LRCH2: variants seen among roughly 807,000 people sequenced by gnomAD.
The protein encoded by LRCH2 is leucine rich repeats and calponin homology domain containing 2, also known as leucine-rich repeat and calponin homology domain-containing protein 2.
Under a neutral mutation model 68.9 loss-of-function variants are expected in LRCH2, and 38 were observed. The observed-to-expected ratio is 0.55, with a 90% CI of 0.43 to 0.72. The LOEUF is 0.72. Ranked by LOEUF, LRCH2 falls within the 30% of genes least tolerant of loss-of-function variation. LRCH2 has a pLI of 0.00. For synonymous variants in LRCH2, 191 were observed against 208.1 expected (o/e 0.92, Z 0.71); for missense variants, 528 against 572.9 (o/e 0.92, Z 0.80).
chrX:115,191,122 G>T, intron 1 of LRCH2: 1 of 1,166,761 alleles, frequency 8.6e-7, no homozygotes, highest in Non-Finnish European at 1.1e-6. Context: ...CCGCTCGCAT[G>T]ACGCCCACAG....
intron 1 of LRCH2, among the ~76,000 whole-genome samples, chrX:115,218,002 T>C (rs1426200185): frequency 8.9e-6 from 1 of 112,018 alleles, no homozygotes. Flanking sequence ...TTTTTTCTTA[T>C]GTTTGTTGGC....
chrX:115,220,117 C>A (rs1405436468), intron 1 of LRCH2, among the ~76,000 whole-genome samples: 6 of 111,943 alleles, frequency 5.4e-5, no homozygotes, highest in Non-Finnish European at 1.1e-4. Flanking sequence ...ATTATCTGTC[C>A]TAAAGAAGTT....
intron 1 of LRCH2, among the ~76,000 whole-genome samples, chrX:115,205,219 T>A (rs369753349): frequency 6.4e-4 from 71 of 111,671 alleles, no homozygotes; most frequent in Middle Eastern, 4.6e-3. Context: ...TCCAATCACC[T>A]CCTACCAGGT....
At chrX:115,127,832 T>G (rs2072211746) in intron 15 of LRCH2, among the ~76,000 whole-genome samples, 1 of 111,556 alleles carries the variant, frequency 9.0e-6, no homozygotes, top group South Asian at 3.8e-4. Flanking sequence ...TTTGTCTTGT[T>G]GGAGGGTAAG....
At chrX:115,185,878 T>C (rs1556554223) in intron 2 of LRCH2, among the ~76,000 whole-genome samples, 2 of 111,396 alleles carry the variant, frequency 1.8e-5, no homozygotes, top group African/African-American at 6.5e-5. Flanking sequence ...CAAGGATCTT[T>C]CTACAGGATT....
intron 1 of LRCH2, among the ~76,000 whole-genome samples, chrX:115,220,281 C>T (rs1347990110): frequency 9.0e-6 from 1 of 111,710 alleles, no homozygotes; most frequent in Non-Finnish European, 1.9e-5. Context: ...GGAATGGTGG[C>T]ATAAGGAAAA....
At chrX:115,120,109 G>C (rs1201591354) in intron 20 of LRCH2, among the ~76,000 whole-genome samples, 1 of 101,818 alleles carries the variant, frequency 9.8e-6, no homozygotes, top group East Asian at 3.2e-4. Flanking sequence ...CATAGGCATG[G>C]GCAAGGACTT....
chrX:115,119,108 C>A (rs781865051), intron 20 of LRCH2, among the ~76,000 whole-genome samples: 1 of 110,721 alleles, frequency 9.0e-6, no homozygotes, highest in Non-Finnish European at 1.9e-5. Context: ...AAAACTGGCA[C>A]AAGACAGGGA....
At chrX:115,160,003 A>G (rs2072505578) in intron 11 of LRCH2, among the ~76,000 whole-genome samples, 1 of 111,083 alleles carries the variant, frequency 9.0e-6, no homozygotes, top group Non-Finnish European at 1.9e-5. Flanking sequence ...AGTTTCTTAA[A>G]GAATCAAAGA....
intron 6 of LRCH2, 102 bp from the exon 7 acceptor site, chrX:115,166,444 T>C: frequency 2.0e-6 from 1 of 505,754 alleles, no homozygotes; most frequent in Non-Finnish European, 3.3e-6. Context: ...TATATACTTT[T>C]GATGTCTAAG....
chrX:115,147,737 C>G (rs1347020730), intron 14 of LRCH2, among the ~76,000 whole-genome samples: 1 of 110,989 alleles, frequency 9.0e-6, no homozygotes, highest in Non-Finnish European at 1.9e-5. Flanking sequence ...CTTGAGAAGT[C>G]CACTCAAGTT....
intron 1 of LRCH2, among the ~76,000 whole-genome samples, chrX:115,222,101 T>C (rs1286314638): frequency 9.0e-6 from 1 of 111,361 alleles, no homozygotes; most frequent in African/African-American, 3.3e-5. Flanking sequence ...TCATCTTATA[T>C]TCAAAAACCA....
chrX:115,179,809 A>G lies in LRCH2; in HGVS notation c.622-58T>C, dbSNP rs2072678217. On this transcript the variant is annotated intron_variant, in intron 3 of 20. Transcript: ENST00000317135. ...GCTAACTGAGAAATACATATATTAT[A>G]TATATATATTCTAATTTTTAAATTA... The G allele has an allele frequency of 5.1e-5, 24 of 466,100 alleles. No homozygotes were observed. The South Asian group carries it at 1.6e-3, about 32-fold the overall frequency. 38.4% of individuals were successfully genotyped at this position (466,100 alleles called of 1,213,427 possible).
At chrX:115,187,756 C>T (rs1415775265) in intron 2 of LRCH2, among the ~76,000 whole-genome samples, 1 of 112,781 alleles carries the variant, frequency 8.9e-6, no homozygotes, top group Non-Finnish European at 1.9e-5. Flanking sequence ...CCCACTCTAA[C>T]CATCCTTGAA....
intron 14 of LRCH2, among the ~76,000 whole-genome samples, chrX:115,145,941 A>G (rs1435018803): frequency 8.9e-6 from 1 of 112,372 alleles, no homozygotes; most frequent in Non-Finnish European, 1.9e-5. Context: ...TGCTGGGTAT[A>G]TAACCCAAAG....
Position 115,138,362 on chromosome X carries a change from A to G in LRCH2, c.1696-8163T>C, listed in dbSNP as rs183426379. 3.4e-4 allele frequency among the ~76,000 whole-genome samples: 38 copies of G among 111,859 alleles called. 1 individual carries two copies. The highest frequency in any genetic ancestry group is 2.9e-3 in the Admixed American group (30 of 10,526). ...CTTTTTTGTTCAATCACGTGTCTCC[A>G]CAACTATTCATTTCTTTCATCAGAC... On this transcript the variant is annotated intron_variant, in intron 14 of 20. Coordinates refer to ENST00000317135, the MANE Select transcript of LRCH2 (RefSeq NM_020871.4).
At position 115,125,584 on chromosome X, in the gene LRCH2, T is replaced by C. The variant is rs185098824; in HGVS notation, c.1791+1259A>G. Among the ~76,000 whole-genome samples, 35 of 22,168 alleles carry C rather than the reference T, an allele frequency of 1.6e-3. 7 individuals are homozygous for C. The Admixed American group carries it at 0.018, about 12-fold the overall frequency. 19.3% of individuals were successfully genotyped at this position (22,168 alleles called of 115,157 possible). ...ATATATATATATATACACACACACA[T>C]ATATATATACACATATATATACGTA... On this transcript the variant is annotated intron_variant, in intron 16 of 20. Coordinates refer to ENST00000317135, the MANE Select transcript of LRCH2 (RefSeq NM_020871.4).
chrX:115,167,439 G>GA (rs782466115), intron 6 of LRCH2, among the ~76,000 whole-genome samples: 20 of 94,753 alleles, frequency 2.1e-4, no homozygotes, highest in East Asian at 3.2e-4. Context: ...AGTGCTATGA[G>GA]AAAAAAAAAA....
At chrX:115,118,450 C>T (rs2147341029) in intron 20 of LRCH2, among the ~76,000 whole-genome samples, 1 of 108,251 alleles carries the variant, frequency 9.2e-6, no homozygotes, top group East Asian at 2.9e-4. Flanking sequence ...CACATACACC[C>T]TCCCAAGACT....
Sources: allele counts gnomAD v4.1 joint callset (sites outside exome capture counted in the v4.1 genomes callset), GRCh38; gene constraint gnomAD v4.1.1; transcripts MANE v1.5; gene names NCBI Gene and HGNC (gene_info 2026-07-23, HGNC 2026-07-21).